KLRG1: variants seen among roughly 807,000 people sequenced by gnomAD.
The protein encoded by KLRG1 is killer cell lectin like receptor G1.
A neutral mutation model predicts 21.8 loss-of-function variants in KLRG1; 16 were observed. That is an observed-to-expected ratio of 0.73 (90% CI 0.50 to 1.11). KLRG1 has a LOEUF of 1.11. KLRG1 is among the 50% of genes most tolerant of loss of function. The pLI is 0.00. For missense variants in KLRG1, 173 were observed against 218.3 expected (o/e 0.79, Z 1.31); for synonymous variants, 69 against 75.9 (o/e 0.91, Z 0.47).
intron 1 of KLRG1, among the ~76,000 whole-genome samples, chr12:8,971,752 A>G (rs1322251504): frequency 6.6e-6 from 1 of 152,144 alleles, no homozygotes; most frequent in Admixed American, 6.5e-5. Context: ...CGGCCTCCCA[A>G]AGTGCTGGGA....
the KLRG1 span, chr12:9,101,229 G>C: frequency 2.6e-6 from 4 of 1,551,792 alleles, no homozygotes; most frequent in Non-Finnish European, 3.5e-6. Flanking sequence ...GAAATAAAAA[G>C]AAATTAAATG....
chr12:9,204,925 C>T, the KLRG1 span, among the ~76,000 whole-genome samples: 2 of 152,042 alleles, frequency 1.3e-5, no homozygotes, highest in Middle Eastern at 3.4e-3. Context: ...TGAGGTCCCC[C>T]ATCTCTACAA....
chr12:9,068,084 T>C, the KLRG1 span: 8 of 1,386,504 alleles, frequency 5.8e-6, no homozygotes, highest in South Asian at 1.0e-4. Context: ...TAATTTGATG[T>C]TTTTGACAAA....
chr12:9,154,038 T>C, the KLRG1 span, among the ~76,000 whole-genome samples: 2 of 152,342 alleles, frequency 1.3e-5, no homozygotes, highest in Admixed American at 6.5e-5. Context: ...CTTGGAGTAG[T>C]TGAAATGGAA....
At chr12:9,004,894 A>G (rs1947422977) in intron 3 of KLRG1, among the ~76,000 whole-genome samples, 1 of 152,198 alleles carries the variant, frequency 6.6e-6, no homozygotes, top group African/African-American at 2.4e-5. Context: ...GGAAAATGAT[A>G]TTTTAAATTT....
chr12:9,053,102 G>A, the KLRG1 span, among the ~76,000 whole-genome samples: 6 of 152,270 alleles, frequency 3.9e-5, 1 homozygote, highest in Admixed American at 3.9e-4. Flanking sequence ...TTTCCTCTGG[G>A]CACTTCGGGT....
At chr12:9,004,534 TCAC>T (rs1947410130) in intron 3 of KLRG1, among the ~76,000 whole-genome samples, 1 of 152,184 alleles carries the variant, frequency 6.6e-6, no homozygotes, top group African/African-American at 2.4e-5. Context: ...AATGGCATGA[TCAC>T]AGCTCACTTT....
At chr12:9,040,198 T>G in the KLRG1 span, among the ~76,000 whole-genome samples, 1 of 152,224 alleles carries the variant, frequency 6.6e-6, no homozygotes, top group African/African-American at 2.4e-5. Flanking sequence ...AATTTCAGTA[T>G]ATGGCACAGA....
chr12:8,967,609 C>G (rs148439198), intron 1 of KLRG1, among the ~76,000 whole-genome samples: 5 of 152,002 alleles, frequency 3.3e-5, no homozygotes, highest in Non-Finnish European at 7.4e-5. Context: ...GCAGTCTCAG[C>G]TACTTGAAGG....
the KLRG1 span, among the ~76,000 whole-genome samples, chr12:9,180,419 C>G: frequency 6.6e-6 from 1 of 152,146 alleles, no homozygotes; most frequent in East Asian, 1.9e-4. Context: ...GCTACAGTAA[C>G]CAAAAGAGCA....
chr12:9,123,746 G>T, the KLRG1 span, among the ~76,000 whole-genome samples: 1 of 152,068 alleles, frequency 6.6e-6, no homozygotes, highest in Non-Finnish European at 1.5e-5. Context: ...TCTAGTTTCA[G>T]TTTCTTCCTT....
At chr12:9,197,059 C>A in the KLRG1 span, 1 of 1,613,700 alleles carries the variant, frequency 6.2e-7, no homozygotes, top group Non-Finnish European at 8.5e-7. Context: ...CAATTAAGAA[C>A]ACGAGATAAT....
the KLRG1 span, among the ~76,000 whole-genome samples, chr12:9,189,276 G>A: frequency 2.6e-5 from 4 of 152,178 alleles, no homozygotes; most frequent in Admixed American, 6.5e-5. Context: ...TACCAAAACA[G>A]CATAGTACTT....
chr12:9,067,103 A>T, the KLRG1 span: 1 of 152,528 alleles, frequency 6.6e-6, no homozygotes, highest in Admixed American at 6.5e-5. Context: ...CTTTACAGCT[A>T]TCCTTTAATC....
At chr12:9,122,154 T>C in the KLRG1 span, among the ~76,000 whole-genome samples, 1 of 152,282 alleles carries the variant, frequency 6.6e-6, no homozygotes, top group African/African-American at 2.4e-5. Flanking sequence ...CTGCATTTTT[T>C]CCTACATTAA....
the KLRG1 span, among the ~76,000 whole-genome samples, chr12:9,050,751 C>A: frequency 6.6e-6 from 1 of 152,180 alleles, no homozygotes; most frequent in Admixed American, 6.5e-5. Context: ...GAACCTCCCC[C>A]CTTTCAAGTT....
At chr12:8,985,927 A>G (rs28769384), upstream of KLRG1, among the ~76,000 whole-genome samples, 12,754 of 152,250 alleles carry the variant, frequency 0.084, 1,006 homozygotes, top group African/African-American at 0.2. Context: ...ACCCACAATC[A>G]GAAAGGCAGG....
chr12:9,025,240 A>G, the KLRG1 span, among the ~76,000 whole-genome samples: 7 of 152,216 alleles, frequency 4.6e-5, no homozygotes, highest in Admixed American at 2.6e-4. Context: ...ATCTAAGTAG[A>G]GTCATATGTC....
chr12:9,019,558 G>A, the KLRG1 span, among the ~76,000 whole-genome samples: 1 of 152,114 alleles, frequency 6.6e-6, no homozygotes, highest in Non-Finnish European at 1.5e-5. Flanking sequence ...GAAAAATGTG[G>A]TACATATACA....
Sources: allele counts gnomAD v4.1 joint callset (sites outside exome capture counted in the v4.1 genomes callset), GRCh38; gene constraint gnomAD v4.1.1; transcripts MANE v1.5; gene names NCBI Gene and HGNC (gene_info 2026-07-23, HGNC 2026-07-21).